The following BMP5 variants were observed in gnomAD, a reference collection of about 807,000 sequenced individuals.
BMP5 encodes bone morphogenetic protein 5.
BMP5 carries 23 observed loss-of-function variants against 46.6 expected under a neutral mutation model. The ratio of observed to expected loss-of-function variants is 0.49; its 90% CI spans 0.35 to 0.70. The LOEUF (loss-of-function observed/expected upper bound fraction) is 0.70, where lower values mean the gene tolerates loss of function less well. BMP5 is among the 30% of genes least tolerant of loss of function. The probability of loss-of-function intolerance (pLI) is 0.00; values close to 1 mark genes in which losing one functional copy is unlikely to be tolerated. For synonymous variants in BMP5, 204 were observed against 191.9 expected (o/e 1.06, Z -0.52); for missense variants, 545 against 565.6 (o/e 0.96, Z 0.37).
rs114311279 is a variant in BMP5 at position 55,761,313 on chromosome 6, G to C, written c.1028-780C>G. Among the ~76,000 whole-genome samples, 505 of 151,980 alleles carry C rather than the reference G, an allele frequency of 3.3e-3. 5 individuals carry two copies. The highest frequency in any genetic ancestry group is 0.011 in the African/African-American group (475 of 41,494). On this transcript the variant is annotated intron_variant, in intron 4 of 6. Coordinates refer to ENST00000370830, the MANE Select transcript of BMP5 (RefSeq NM_021073.4). The stretch of plus-strand genomic sequence containing the variant: ...TGCTAGTCTCCCTGCTTCTGCCCTT[G>C]CTCCTCTATAGCAAACTAGTCAAGT...
intron 5 of BMP5, 120 bp from the exon 6 acceptor site, chr6:55,759,235 T>C: frequency 1.6e-6 from 1 of 635,994 alleles, no homozygotes; most frequent in Non-Finnish European, 2.7e-6. Context: ...TCTTAAAAGT[T>C]ATTGAAATAT....
At chr6:55,852,219 G>GA (rs1263863337) in intron 1 of BMP5, among the ~76,000 whole-genome samples, 3 of 151,882 alleles carry the variant, frequency 2.0e-5, no homozygotes, top group South Asian at 2.1e-4. Flanking sequence ...AATTTGGTAG[G>GA]AAAATTACTA....
chr6:55,856,504 T>C (rs6912214), intron 1 of BMP5, among the ~76,000 whole-genome samples: 78,434 of 151,954 alleles, frequency 0.52, 21,879 homozygotes, highest in African/African-American at 0.72. Flanking sequence ...AATTTATACG[T>C]GTTTTAGTTG....
At chr6:55,832,201 T>C (rs1776682019) in intron 1 of BMP5, among the ~76,000 whole-genome samples, 1 of 152,200 alleles carries the variant, frequency 6.6e-6, no homozygotes, top group Non-Finnish European at 1.5e-5. Context: ...ATGCTGCCTC[T>C]TGGGTCATTT....
At chr6:55,799,572 T>C (rs1235319545) in intron 2 of BMP5, among the ~76,000 whole-genome samples, 3 of 152,242 alleles carry the variant, frequency 2.0e-5, no homozygotes, top group Admixed American at 6.5e-5. Context: ...CTCTATTGGC[T>C]TCTGATTAAC....
chr6:55,833,287 A>G (rs540779864), intron 1 of BMP5, among the ~76,000 whole-genome samples: 5 of 152,300 alleles, frequency 3.3e-5, no homozygotes, highest in African/African-American at 1.2e-4. Context: ...TTGTATAGAA[A>G]CAGCCAATGT....
intron 5 of BMP5, among the ~76,000 whole-genome samples, chr6:55,760,152 A>G (rs1774733065): frequency 6.6e-6 from 1 of 151,954 alleles, no homozygotes; most frequent in Non-Finnish European, 1.5e-5. Context: ...CAAATCTTCT[A>G]TTTACAATAA....
intron 4 of BMP5, among the ~76,000 whole-genome samples, chr6:55,772,128 G>T (rs941463569): frequency 2.0e-5 from 3 of 151,722 alleles, no homozygotes; most frequent in Non-Finnish European, 4.4e-5. Flanking sequence ...TCACAGAAAT[G>T]GTTGCCAATG....
intron 1 of BMP5, among the ~76,000 whole-genome samples, chr6:55,869,960 G>A (rs543437157): frequency 6.6e-6 from 1 of 152,208 alleles, no homozygotes; most frequent in East Asian, 1.9e-4. Flanking sequence ...CAGGAAGTGT[G>A]GGAGTGGTAA....
intron 1 of BMP5, among the ~76,000 whole-genome samples, chr6:55,867,822 C>A (rs1057514292): frequency 7.2e-5 from 11 of 152,150 alleles, no homozygotes; most frequent in Admixed American, 5.2e-4. Context: ...GATAAGCAAC[C>A]AGACGCACAA....
chr6:55,788,795 A>G (rs1028837615), intron 3 of BMP5, among the ~76,000 whole-genome samples: 1 of 151,852 alleles, frequency 6.6e-6, no homozygotes, highest in Non-Finnish European at 1.5e-5. Flanking sequence ...TTCTTTTTAA[A>G]ATGTTTATTT....
rs1012285073 is a variant in BMP5, at chr6:55,804,347, A to G, written c.684-9920T>C. ...GAATTACAGTATCTTCACACAGCCA[A>G]GGAACTTCTAGGGCTACCAGAAGAT... On this transcript the variant is annotated intron_variant, in intron 2 of 6. Transcript: ENST00000370830. Among the ~76,000 whole-genome samples, 11 of 152,186 alleles carry G rather than the reference A, an allele frequency of 7.2e-5. 1 individual carries two copies. Among genetic ancestry groups the G allele is most frequent in the African/African-American group, 2.7e-4 (11 of 41,448 alleles).
At chr6:55,858,119 T>C (rs1777442918) in intron 1 of BMP5, among the ~76,000 whole-genome samples, 1 of 152,232 alleles carries the variant, frequency 6.6e-6, no homozygotes, top group African/African-American at 2.4e-5. Context: ...ACTTGAGCGT[T>C]TTATAATTAA....
At chr6:55,864,633 T>A (rs1260425948) in intron 1 of BMP5, among the ~76,000 whole-genome samples, 1 of 152,196 alleles carries the variant, frequency 6.6e-6, no homozygotes, top group Non-Finnish European at 1.5e-5. Context: ...ACAAACAGAC[T>A]GAGACATCAT....
At chr6:55,808,705 G>A (rs1776051331) in intron 2 of BMP5, among the ~76,000 whole-genome samples, 2 of 151,870 alleles carry the variant, frequency 1.3e-5, no homozygotes, top group African/African-American at 4.9e-5. Flanking sequence ...TCCCTTGGCT[G>A]GGGGGTGGTG....
chr6:55,829,703 A>G (rs980029365), intron 1 of BMP5, among the ~76,000 whole-genome samples: 1 of 151,952 alleles, frequency 6.6e-6, no homozygotes, highest in Non-Finnish European at 1.5e-5. Flanking sequence ...CAAAAAATAC[A>G]TAACCATGCA....
chr6:55,794,141 G>A (rs1014246198), intron 3 of BMP5, 138 bp downstream of exon 3: 1 of 857,002 alleles, frequency 1.2e-6, no homozygotes, highest in Non-Finnish European at 1.8e-6. Context: ...AACTAATATA[G>A]TTTTGCACTA....
At chr6:55,809,605 T>C (rs191603542) in intron 2 of BMP5, among the ~76,000 whole-genome samples, 8 of 152,096 alleles carry the variant, frequency 5.3e-5, no homozygotes, top group African/African-American at 9.6e-5. Flanking sequence ...TGTGTATGCA[T>C]GCATATATTA....
chr6:55,796,567 G>A (rs1298209056), intron 2 of BMP5, among the ~76,000 whole-genome samples: 1 of 151,314 alleles, frequency 6.6e-6, no homozygotes, highest in Non-Finnish European at 1.5e-5. Context: ...AGTTACATAT[G>A]TATATATGTG....
Sources: gnomAD v4.1 joint callset for allele counts (sites outside exome capture counted in the v4.1 genomes callset) on GRCh38, gnomAD v4.1.1 for gene constraint, MANE v1.5 for transcripts, NCBI Gene and HGNC (gene_info 2026-07-23, HGNC 2026-07-21) for gene names.